TTLL8: variants seen among roughly 807,000 people sequenced by gnomAD.
The protein encoded by TTLL8 is protein monoglycylase TTLL8.
TTLL8 carries 65 observed loss-of-function variants against 77.8 expected under a neutral mutation model. That is an observed-to-expected ratio of 0.84 (90% CI 0.68 to 1.03). TTLL8 has a LOEUF of 1.03. Among genes scored for constraint, TTLL8 ranks in the 50% least tolerant of loss-of-function variants. The pLI is 0.00. For missense variants in TTLL8, 910 were observed against 1,004.5 expected (o/e 0.91, Z 1.27); for synonymous variants, 402 against 422.8 (o/e 0.95, Z 0.60).
chr22:50,032,924 C>A (rs574544760), intron 10 of TTLL8, among the ~76,000 whole-genome samples: 13 of 152,232 alleles, frequency 8.5e-5, no homozygotes, highest in African/African-American at 3.1e-4. Flanking sequence ...ATTCCAATCC[C>A]CCTGGGCACA....
chr22:50,042,270 T>C (rs1041221440), intron 6 of TTLL8, among the ~76,000 whole-genome samples: 2 of 152,246 alleles, frequency 1.3e-5, no homozygotes, highest in African/African-American at 4.8e-5. Flanking sequence ...ACCTAGAGTA[T>C]ACAGAGACCT....
chr22:50,030,992 G>A (rs538915362), intron 11 of TTLL8, 67 bp from the exon 13 acceptor site: 12 of 1,264,528 alleles, frequency 9.5e-6, no homozygotes, highest in South Asian at 6.3e-5. Flanking sequence ...TGCAGGAGGG[G>A]TCTGTGCAGG....
chr22:50,057,512 G>A (rs866637741), upstream of TTLL8, among the ~76,000 whole-genome samples: 51 of 117,444 alleles, frequency 4.3e-4, no homozygotes, highest in East Asian at 9.1e-4. Context: ...TCAGGTCTGG[G>A]TTGGGGGGTC....
intron 12 of TTLL8, among the ~76,000 whole-genome samples, chr22:50,025,953 C>A (rs923908372): frequency 1.3e-5 from 2 of 152,170 alleles, no homozygotes; most frequent in African/African-American, 4.8e-5. Flanking sequence ...ACGCCACAAC[C>A]ATATTGGAAA....
At position 50,041,624 on chromosome 22, in the gene TTLL8, A is replaced by C. The variant is rs761310072; in HGVS notation, c.827T>G (p.Val276Gly). ...CAGGGGCCTGCGTAAGTCTTACTGA[A>C]CGAGGGAGTAGTACTGCTGGGTCAG... The change falls in exon 7 of 14, where the codon GTT becomes GGT. Residue 276 changes from valine to glycine, a missense_variant. Val to Gly is a moderately radical substitution (Grantham distance 109). Around this residue, in one of 2 missense-constraint regions of TTLL8, gnomAD observed 776 missense variants for 926.1 expected, o/e 0.84. Coordinates refer to ENST00000266182, the Ensembl canonical transcript of TTLL8. The surrounding 1 kb of genome is among the most constrained non-coding windows in gnomAD (Gnocchi z 4.3). 1.5e-6 allele frequency: 2 copies of C among 1,356,150 alleles called. No homozygotes were observed. The highest frequency in any genetic ancestry group is 2.3e-5 in the South Asian group (2 of 87,350). 84.0% of individuals were successfully genotyped at this position (1,356,150 alleles called of 1,614,324 possible). A position where few individuals can be genotyped will look rare whatever the true frequency, so the allele number is the denominator to read the frequency against.
rs1191960779 is a variant in TTLL8 at position 50,044,977 on chromosome 22, G to T, written c.643+278C>A. On this transcript the variant is annotated intron_variant, in intron 6 of 13. Transcript: ENST00000266182. This position sits in a 1 kb window ranked among gnomAD's most constrained non-coding sequence, Gnocchi z 4.2. ...GCTTCCGACCACAGGCTGGAACCAC[G>T]TCCGCGGCACAGGACTGTGGCAGTG... 1.3e-5 allele frequency among the ~76,000 whole-genome samples: 2 copies of T among 152,278 alleles called. No homozygotes were observed. The highest frequency in any genetic ancestry group is 4.8e-5 in the African/African-American group (2 of 41,556).
At chr22:50,024,301 T>C in intron 12 of TTLL8, among the ~76,000 whole-genome samples, 1 of 151,980 alleles carries the variant, frequency 6.6e-6, no homozygotes, top group Non-Finnish European at 1.5e-5. Flanking sequence ...CATGCCTGGC[T>C]ATTTTTTTTT....
intron 8 of TTLL8, among the ~76,000 whole-genome samples, chr22:50,040,338 C>T (rs1168546594): frequency 1.3e-5 from 2 of 152,160 alleles, no homozygotes; most frequent in Non-Finnish European, 2.9e-5. Flanking sequence ...TCACATGTGC[C>T]AGTGTGGACG....
intron 8 of TTLL8, among the ~76,000 whole-genome samples, chr22:50,040,298 G>A (rs746890025): frequency 3.3e-5 from 5 of 150,740 alleles, no homozygotes; most frequent in Non-Finnish European, 5.9e-5. Context: ...TGGACCTCAC[G>A]TGTAACAGCG....
At chr22:50,020,047 T>C (rs1166801986) in intron 12 of TTLL8, among the ~76,000 whole-genome samples, 2 of 152,192 alleles carry the variant, frequency 1.3e-5, no homozygotes. Flanking sequence ...ATCATACTTT[T>C]CTTAGTAACT....
At position 50,049,359 on chromosome 22, in the gene TTLL8, C is replaced by G. The variant is rs2061431144; in HGVS notation, c.191-37G>C. On this transcript the variant is annotated intron_variant, in intron 2 of 13. Coordinates refer to ENST00000266182, the Ensembl canonical transcript of TTLL8. ...ACACAGGGGAGGCCTGAACATGAAGCCTCAGCCAGACTTCCCGCACCGGGT... is the reference window on the plus strand; with the variant it reads ...ACACAGGGGAGGCCTGAACATGAAGGCTCAGCCAGACTTCCCGCACCGGGT... 5 of 1,366,526 alleles carry G rather than the reference C, an allele frequency of 3.7e-6. No individual in the cohort carries two copies. The African/African-American group carries it at 4.4e-5, about 12-fold the overall frequency. The allele number at this position is 1,366,526 out of a possible 1,614,324, so 84.7% of individuals were successfully genotyped here. A position where few individuals can be genotyped will look rare whatever the true frequency, so the allele number is the denominator to read the frequency against.
chr22:50,036,234 C>T (rs1197251173), intron 8 of TTLL8, among the ~76,000 whole-genome samples: 4 of 152,312 alleles, frequency 2.6e-5, no homozygotes, highest in Admixed American at 6.5e-5. Context: ...CGGCAGCAGC[C>T]GGGAATCTCC....
At chr22:50,056,683 C>G (rs868046524), upstream of TTLL8, 1 of 888,656 alleles carries the variant, frequency 1.1e-6, no homozygotes, top group African/African-American at 1.8e-5. This position sits in a 1 kb window ranked among gnomAD's most constrained non-coding sequence, Gnocchi z 4.1. Flanking sequence ...CAGGAGCCAG[C>G]GCCCCCCAAC....
At chr22:50,047,588 C>T (rs75696883) in intron 3 of TTLL8, among the ~76,000 whole-genome samples, 10,036 of 152,168 alleles carry the variant, frequency 0.066, 466 homozygotes, top group East Asian at 0.24. Flanking sequence ...GGTGTGGGGA[C>T]GTGCCACTTG....
intron 12 of TTLL8, among the ~76,000 whole-genome samples, chr22:50,026,239 G>A (rs1000670478): frequency 6.6e-6 from 1 of 152,010 alleles, no homozygotes; most frequent in Non-Finnish European, 1.5e-5. Context: ...GCACCTCAGA[G>A]TGCAGGGTCA....
At chr22:50,021,309 TACTCCTCCATCTGATGTGC>T (rs926623779) in intron 12 of TTLL8, among the ~76,000 whole-genome samples, 29 of 134,938 alleles carry the variant, frequency 2.1e-4, no homozygotes, top group Non-Finnish European at 3.7e-4. Flanking sequence ...TGACGATGTG[TACTCCTCCATCTGATGTGC>T]ACTCCTCCAT....
rs778906941 is a variant in TTLL8 at position 50,034,338 on chromosome 22, T to G, written c.1039+7A>C. On this transcript the variant is annotated splice_region_variant and intron_variant, in intron 9 of 13. Transcript: ENST00000266182. This position sits in a 1 kb window ranked among gnomAD's most constrained non-coding sequence, Gnocchi z 4.1. Reference sequence around the variant, plus strand: ...GGCTATGAACGCGGTGCAGGGAGCATCCGCACCAGGGGACTCACCTCGGCC... The same window carrying G: ...GGCTATGAACGCGGTGCAGGGAGCAGCCGCACCAGGGGACTCACCTCGGCC... 5.1e-6 allele frequency: 7 copies of G among 1,363,780 alleles called. No homozygotes were observed. The Admixed American group carries it at 5.7e-5, about 11-fold the overall frequency. The allele number at this position is 1,363,780 out of a possible 1,614,324, so 84.5% of individuals were successfully genotyped here.
chr22:50,057,408 GGCGGGA>G (rs1569237016), upstream of TTLL8, among the ~76,000 whole-genome samples: 4 of 99,634 alleles, frequency 4.0e-5, no homozygotes, highest in Non-Finnish European at 5.9e-5. Flanking sequence ...GTCTGGGTTG[GGCGGGA>G]GGTCTGGGTT....
At position 50,030,940 on chromosome 22, in the gene TTLL8, C is replaced by T. The variant is rs1198752297; in HGVS notation, c.1708-15G>A. On this transcript the variant is annotated splice_polypyrimidine_tract_variant and intron_variant, in intron 11 of 13. Coordinates refer to ENST00000266182, the Ensembl canonical transcript of TTLL8. ...TCAACCACCGGCTGTGGGGAAGGAA[C>T]AGGTTGGGGTGCTGGGCTGTGGCCG... The T allele has an allele frequency of 7.6e-7, 1 of 1,314,374 alleles. No individual in the cohort carries two copies. Among genetic ancestry groups the T allele is most frequent in the East Asian group, 5.0e-5 (1 of 19,952 alleles). 81.4% of individuals were successfully genotyped at this position (1,314,374 alleles called of 1,614,324 possible).
Sources: allele counts gnomAD v4.1 joint callset (sites outside exome capture counted in the v4.1 genomes callset), GRCh38; gene constraint gnomAD v4.1.1; regional missense constraint gnomAD v4.1.1; non-coding constraint Gnocchi (gnomAD v3.1); transcripts MANE v1.5; gene names NCBI Gene and HGNC (gene_info 2026-07-23, HGNC 2026-07-21).